The following NBEA variants were observed in gnomAD, a reference collection of about 807,000 sequenced individuals.
NBEA encodes lysosomal-trafficking regulator 2.
A neutral mutation model predicts 343.4 loss-of-function variants in NBEA; 44 were observed. The observed-to-expected ratio is 0.13, with a 90% CI of 0.10 to 0.16. NBEA has a LOEUF of 0.16. Ranked by LOEUF, NBEA falls within the 10% of genes least tolerant of loss-of-function variation. The pLI is 1.00. For synonymous variants in NBEA, 1,175 were observed against 1,238.7 expected (o/e 0.95, Z 1.08); for missense variants, 2,555 against 3,631.3 (o/e 0.70, Z 7.62).
chr13:35,152,751 G>A (rs768798625), intron 18 of NBEA, among the ~76,000 whole-genome samples: 7 of 152,070 alleles, frequency 4.6e-5, no homozygotes, highest in Non-Finnish European at 7.3e-5. Context: ...ATAGCCACTG[G>A]GGACATGTGG....
chr13:35,613,147 G>A (rs980743785), intron 48 of NBEA, among the ~76,000 whole-genome samples: 1 of 150,036 alleles, frequency 6.7e-6, no homozygotes. Flanking sequence ...GAACACCAGA[G>A]TTTATTCCTC....
At chr13:35,555,232 C>T (rs77249957) in intron 44 of NBEA, 130 bp downstream of exon 44, 1 of 519,452 alleles carries the variant, frequency 1.9e-6, no homozygotes, top group East Asian at 3.3e-5. Flanking sequence ...GAAGCACTCA[C>T]ATTAAATTTT....
chr13:35,484,827 T>G (rs2076254889), intron 41 of NBEA, among the ~76,000 whole-genome samples: 1 of 152,084 alleles, frequency 6.6e-6, no homozygotes, highest in African/African-American at 2.4e-5. Context: ...GTTTACATAA[T>G]AATATAAAAC....
At chr13:35,480,767 A>G (rs1179644232) in intron 41 of NBEA, among the ~76,000 whole-genome samples, 3 of 151,902 alleles carry the variant, frequency 2.0e-5, no homozygotes, top group Non-Finnish European at 4.4e-5. Context: ...TTAAAGACAG[A>G]TATTTGTGCA....
intron 41 of NBEA, among the ~76,000 whole-genome samples, chr13:35,520,810 T>C (rs1382848520): frequency 2.0e-5 from 3 of 152,216 alleles, no homozygotes. Context: ...TAAACTTCTA[T>C]TGGAAAATTC....
intron 24 of NBEA, among the ~76,000 whole-genome samples, chr13:35,164,852 T>C (rs557487712): frequency 2.9e-4 from 44 of 152,332 alleles, no homozygotes; most frequent in Non-Finnish European, 1.2e-4. Context: ...TCAACATTTA[T>C]TTTACAAAAT....
At chr13:35,123,793 A>G (rs2066925852) in intron 17 of NBEA, among the ~76,000 whole-genome samples, 1 of 152,170 alleles carries the variant, frequency 6.6e-6, no homozygotes, top group Non-Finnish European at 1.5e-5. Context: ...GTTTATTTCT[A>G]TATTCTTCCT....
chr13:35,244,119 T>C (rs2030796134), intron 34 of NBEA, among the ~76,000 whole-genome samples: 1 of 151,324 alleles, frequency 6.6e-6, no homozygotes, highest in African/African-American at 2.4e-5. Flanking sequence ...AAACTAGAAA[T>C]AAAAACTAGA....
intron 46 of NBEA, among the ~76,000 whole-genome samples, chr13:35,592,507 A>T (rs975878239): frequency 6.6e-6 from 1 of 152,152 alleles, no homozygotes; most frequent in African/African-American, 2.4e-5. Context: ...TAGCGCAAGG[A>T]AAGTTTTTCA....
intron 55 of NBEA, among the ~76,000 whole-genome samples, chr13:35,659,531 A>G (rs1438512393): frequency 6.6e-6 from 1 of 152,190 alleles, no homozygotes. Flanking sequence ...TGTGTCAAAT[A>G]TATTGTGAAG....
Position 34,969,266 on chromosome 13 carries a change from T to TA in NBEA, c.294+26153dup, listed in dbSNP as rs61112226. On this transcript the variant is annotated intron_variant, in intron 1 of 58. Coordinates refer to ENST00000379939, the MANE Select transcript of NBEA (RefSeq NM_001385012.1). ...AGTGAGGGATTAGAAATTCGACACTTACTGCTGTGTAATAAGTTAAAGCAT... is the reference window on the plus strand; with the variant it reads ...AGTGAGGGATTAGAAATTCGACACTTAACTGCTGTGTAATAAGTTAAAGCAT... Among the ~76,000 whole-genome samples the TA allele has an allele frequency of 6.3e-3, 964 of 152,160 alleles. 9 individuals carry two copies. The highest frequency in any genetic ancestry group is 0.022 in the African/African-American group (923 of 41,530).
intron 36 of NBEA, among the ~76,000 whole-genome samples, chr13:35,345,090 G>T (rs1261260615): frequency 6.6e-6 from 1 of 152,006 alleles, no homozygotes; most frequent in Non-Finnish European, 1.5e-5. Flanking sequence ...TGCAGGAGTT[G>T]TTCATCATTT....
intron 10 of NBEA, among the ~76,000 whole-genome samples, chr13:35,078,353 G>C (rs1342254597): frequency 6.6e-6 from 1 of 152,136 alleles, no homozygotes; most frequent in African/African-American, 2.4e-5. Flanking sequence ...AAAGTTAATT[G>C]TTTTTTCATA....
chr13:35,151,696 G>A (rs1211905654), intron 18 of NBEA, among the ~76,000 whole-genome samples: 1 of 151,950 alleles, frequency 6.6e-6, no homozygotes, highest in African/African-American at 2.4e-5. Context: ...AGTTTTCTGA[G>A]GTGAATTTAT....
At chr13:35,215,043 T>G (rs971251944) in intron 33 of NBEA, among the ~76,000 whole-genome samples, 17 of 151,738 alleles carry the variant, frequency 1.1e-4, no homozygotes, top group African/African-American at 3.6e-4. Flanking sequence ...TATCTTCCTG[T>G]ATCGTAGCTT....
intron 1 of NBEA, among the ~76,000 whole-genome samples, chr13:35,014,632 G>T (rs2061589696): frequency 6.6e-6 from 1 of 151,998 alleles, no homozygotes; most frequent in African/African-American, 2.4e-5. Context: ...TGGGACCAGG[G>T]CAAGCCTCAG....
At chr13:35,574,997 C>T (rs1475352665) in intron 45 of NBEA, among the ~76,000 whole-genome samples, 2 of 152,120 alleles carry the variant, frequency 1.3e-5, no homozygotes, top group Non-Finnish European at 2.9e-5. Flanking sequence ...GCCTCGGCCT[C>T]TCAAAGTGTG....
intron 4 of NBEA, among the ~76,000 whole-genome samples, chr13:35,047,523 G>T (rs2062905213): frequency 6.6e-6 from 1 of 151,892 alleles, no homozygotes; most frequent in Non-Finnish European, 1.5e-5. Context: ...AAGAATAAAT[G>T]AGATTTTGTT....
At chr13:35,146,790 A>G (rs1328329911) in intron 18 of NBEA, among the ~76,000 whole-genome samples, 1 of 152,142 alleles carries the variant, frequency 6.6e-6, no homozygotes, top group Non-Finnish European at 1.5e-5. Flanking sequence ...ATTGTTTGCC[A>G]TGCTAGGTCC....
Sources: allele counts gnomAD v4.1 joint callset (sites outside exome capture counted in the v4.1 genomes callset), GRCh38; gene constraint gnomAD v4.1.1; transcripts MANE v1.5; gene names NCBI Gene and HGNC (gene_info 2026-07-23, HGNC 2026-07-21).